Variants in ARG2 observed in about 807,000 individuals in gnomAD.
The protein encoded by ARG2 is arginase-2, mitochondrial.
Under a neutral mutation model 39.4 loss-of-function variants are expected in ARG2, and 21 were observed. That is an observed-to-expected ratio of 0.53 (90% CI 0.38 to 0.77). The LOEUF (loss-of-function observed/expected upper bound fraction) is 0.77. Among genes scored for constraint, ARG2 ranks in the 30% least tolerant of loss-of-function variants. The pLI, the probability that ARG2 is intolerant of heterozygous loss-of-function variation, is 0.00. For synonymous variants in ARG2, 150 were observed against 156.7 expected, an observed-to-expected ratio of 0.96 and a Z score of 0.32; for missense variants, 378 against 426.2, an observed-to-expected ratio of 0.89 and a Z score of 1.00.
chr14:67,650,052 AG>A (rs1369909541), intron 7 of ARG2: 1 of 152,382 alleles, frequency 6.6e-6, no homozygotes, highest in African/African-American at 2.4e-5. Flanking sequence ...ACTGAAGTCC[AG>A]ATAAAATAAT....
intron 3 of ARG2, among the ~76,000 whole-genome samples, chr14:67,645,096 T>G (rs17104526): frequency 0.13 from 19,429 of 152,136 alleles, 1,286 homozygotes; most frequent in East Asian, 0.22. Flanking sequence ...TTTAATGGTT[T>G]ACCCTGTTAA....
chr14:67,648,039 C>G lies in ARG2; in HGVS notation c.723-8C>G. 3 of 1,603,274 alleles carry G rather than the reference C, an allele frequency of 1.9e-6. No homozygotes were observed. Among genetic ancestry groups the G allele is most frequent in the Non-Finnish European group, 2.6e-6 (3 of 1,174,108 alleles). The stretch of plus-strand genomic sequence containing the variant: ...TTTTAAGTATTATTTTATCCTCTTC[C>G]TTTTTAGGAGACAAAGACCAATCCA... On this transcript the variant is annotated splice_polypyrimidine_tract_variant and splice_region_variant and intron_variant, in intron 6 of 7. Coordinates refer to ENST00000261783, the MANE Select transcript of ARG2 (RefSeq NM_001172.4).
chr14:67,631,100 G>C (rs1234665994), intron 2 of ARG2, among the ~76,000 whole-genome samples: 5 of 151,952 alleles, frequency 3.3e-5, no homozygotes, highest in Non-Finnish European at 5.9e-5. Flanking sequence ...CTGTCCTTTC[G>C]GTAATTAATT....
intron 2 of ARG2, among the ~76,000 whole-genome samples, chr14:67,635,987 G>A (rs2036968212): frequency 6.6e-6 from 1 of 152,146 alleles, no homozygotes; most frequent in African/African-American, 2.4e-5. Context: ...AGGATGCAGA[G>A]TCTTTGTTTT....
chr14:67,635,448 CA>C (rs1215908236), intron 2 of ARG2, among the ~76,000 whole-genome samples: 2 of 152,220 alleles, frequency 1.3e-5, no homozygotes, highest in African/African-American at 4.8e-5. Context: ...TGGCATCCCC[CA>C]TTCCCCACCC....
At chr14:67,624,966 C>A (rs1490021829) in intron 2 of ARG2, among the ~76,000 whole-genome samples, 1 of 152,144 alleles carries the variant, frequency 6.6e-6, no homozygotes, top group African/African-American at 2.4e-5. Context: ...AACCAGGAGG[C>A]TGGCAGTTAC....
At chr14:67,624,061 G>A (rs182074730) in intron 2 of ARG2, among the ~76,000 whole-genome samples, 18 of 152,074 alleles carry the variant, frequency 1.2e-4, no homozygotes, top group Admixed American at 4.6e-4. Context: ...GGCTGGTCCC[G>A]AACTCCTGGG....
intron 2 of ARG2, among the ~76,000 whole-genome samples, chr14:67,632,516 G>GT (rs1339770437): frequency 1.3e-5 from 2 of 152,112 alleles, no homozygotes; most frequent in Non-Finnish European, 2.9e-5. Flanking sequence ...AACACAGGAG[G>GT]TGGTTTTGCA....
intron 2 of ARG2, among the ~76,000 whole-genome samples, chr14:67,634,430 C>CAA (rs574075570): frequency 8.4e-4 from 96 of 114,470 alleles, no homozygotes; most frequent in African/African-American, 1.5e-3. Flanking sequence ...CTATCTCTAC[C>CAA]AAAAAAAAAA....
intron 6 of ARG2, chr14:67,647,227 G>A: frequency 4.2e-6 from 2 of 471,860 alleles, no homozygotes; most frequent in South Asian, 8.0e-5. Flanking sequence ...CTAAATCATT[G>A]CCTAGATCTT....
chr14:67,627,515 T>C (rs931556468), intron 2 of ARG2, among the ~76,000 whole-genome samples: 2 of 152,104 alleles, frequency 1.3e-5, no homozygotes, highest in African/African-American at 4.8e-5. Flanking sequence ...TTTTGAACAG[T>C]GTCATATCTT....
chr14:67,628,640 C>A (rs2036890715), intron 2 of ARG2, among the ~76,000 whole-genome samples: 1 of 152,192 alleles, frequency 6.6e-6, no homozygotes, highest in Admixed American at 6.5e-5. Flanking sequence ...CTGTGCTAGG[C>A]ATTTGCTATT....
chr14:67,634,121 A>G (rs980739763), intron 2 of ARG2, among the ~76,000 whole-genome samples: 2 of 152,200 alleles, frequency 1.3e-5, no homozygotes, highest in East Asian at 3.9e-4. Flanking sequence ...GAAGCAAAGC[A>G]TCTTAGCTTT....
rs149784658 is a variant in ARG2, at chr14:67,634,269, C to T, written c.185-7917C>T. 5.7e-3 allele frequency among the ~76,000 whole-genome samples: 863 copies of T among 152,052 alleles called. 14 individuals carry two copies. Among genetic ancestry groups the T allele is most frequent in the Non-Finnish European group, 3.6e-3 (245 of 67,994 alleles). ...AACGTATGACTCAAAGGATAACTGC[C>T]ATATATCAAACTTTAACTCTTGCAA... On this transcript the variant is annotated intron_variant, in intron 2 of 7. Transcript: ENST00000261783.
At chr14:67,642,710 T>C (rs1443430532) in intron 3 of ARG2, among the ~76,000 whole-genome samples, 2 of 151,938 alleles carry the variant, frequency 1.3e-5, no homozygotes, top group Non-Finnish European at 2.9e-5. Flanking sequence ...AAAGATCCAT[T>C]GATAGGCTGA....
intron 2 of ARG2, among the ~76,000 whole-genome samples, chr14:67,638,213 A>G (rs180938058): frequency 3.0e-4 from 45 of 152,230 alleles, no homozygotes; most frequent in African/African-American, 1.1e-3. Context: ...CCTTACTTAA[A>G]ATAATATTAT....
chr14:67,633,761 T>C (rs2036942507), intron 2 of ARG2, among the ~76,000 whole-genome samples: 1 of 152,236 alleles, frequency 6.6e-6, no homozygotes, highest in African/African-American at 2.4e-5. Flanking sequence ...GTCCTCTAGG[T>C]GCACTCTGGG....
At chr14:67,631,966 A>G (rs1395509526) in intron 2 of ARG2, among the ~76,000 whole-genome samples, 1 of 152,140 alleles carries the variant, frequency 6.6e-6, no homozygotes, top group African/African-American at 2.4e-5. Context: ...CCTCTACCTC[A>G]TGGGCTCAAG....
chr14:67,644,383 C>A (rs1281202895), intron 3 of ARG2, among the ~76,000 whole-genome samples: 1 of 152,196 alleles, frequency 6.6e-6, no homozygotes, highest in African/African-American at 2.4e-5. Flanking sequence ...TCTTCAGTCA[C>A]ACAGCTCTTC....
Sources: gnomAD v4.1 joint callset for allele counts (sites outside exome capture counted in the v4.1 genomes callset) on GRCh38, gnomAD v4.1.1 for gene constraint, MANE v1.5 for transcripts, NCBI Gene and HGNC (gene_info 2026-07-23, HGNC 2026-07-21) for gene names.